The following PDE1B variants were observed in gnomAD, a reference collection of about 807,000 sequenced individuals.
The protein encoded by PDE1B is phosphodiesterase 1B.
A neutral mutation model predicts 66.7 loss-of-function variants in PDE1B; 13 were observed. The ratio of observed to expected loss-of-function variants is 0.19; its 90% CI spans 0.13 to 0.31. The LOEUF (loss-of-function observed/expected upper bound fraction) is 0.31, where lower values mean the gene tolerates loss of function less well. Ranked by LOEUF, PDE1B falls within the 10% of genes least tolerant of loss-of-function variation. The probability of loss-of-function intolerance (pLI) is 1.00; values close to 1 mark genes in which losing one functional copy is unlikely to be tolerated. For missense variants in PDE1B, 485 were observed against 682.3 expected (o/e 0.71, Z 3.22); for synonymous variants, 230 against 253.9 (o/e 0.91, Z 0.90).
Position 54,573,870 on chromosome 12 carries a change from AGTGTGTGTGT to A in PDE1B, c.1064+194_1064+203del, listed in dbSNP as rs1555175896. ...GCATCTCTATGTGAGAGAGAGAGAG[AGTGTGTGTGT>A]GTGTGTGTGTGTGTGTGTGTGTGTG... On this transcript the variant is annotated intron_variant, in intron 10 of 15. Transcript: ENST00000243052. The surrounding 1 kb of genome is among the most constrained non-coding windows in gnomAD (Gnocchi z 5.2). 14,115 of 501,356 alleles carry A rather than the reference AGTGTGTGTGT, an allele frequency of 0.028. 174 individuals carry two copies. The highest frequency in any genetic ancestry group is 0.056 in the Middle Eastern group (106 of 1,888). The allele number at this position is 501,356 out of a possible 1,614,324, so 31.1% of individuals were successfully genotyped here. A position where few individuals can be genotyped will look rare whatever the true frequency, so the allele number is the denominator to read the frequency against.
In PDE1B at chr12:54,573,523, AC is replaced by A; in HGVS notation, c.962+45del. On this transcript the variant is annotated intron_variant, in intron 9 of 15. Transcript: ENST00000243052. The surrounding 1 kb of genome is among the most constrained non-coding windows in gnomAD (Gnocchi z 5.2). ...CTTGGCATCCCTAAGAGACTCCCTT[AC>A]CACAAACTCCATTTTCCACTTCCTG... is the stretch of plus-strand genomic sequence containing the variant. The A allele has an allele frequency of 6.2e-7, 1 of 1,613,652 alleles. No individual in the cohort carries two copies. The highest frequency in any genetic ancestry group is 8.5e-7 in the Non-Finnish European group (1 of 1,179,598).
chr12:54,571,497 A>T (rs938485787), intron 6 of PDE1B: 4 of 152,192 alleles, frequency 2.6e-5, no homozygotes, highest in Non-Finnish European at 5.9e-5. Flanking sequence ...ACCTGGAAGG[A>T]CTGGGTCTGG....
At chr12:54,556,103 T>C (rs1957338985) in intron 2 of PDE1B, among the ~76,000 whole-genome samples, 1 of 152,190 alleles carries the variant, frequency 6.6e-6, no homozygotes, top group South Asian at 2.1e-4. Flanking sequence ...AGCCAAGTAA[T>C]TGCCTTTGAA....
At chr12:54,567,144 A>G (rs747129338) in intron 3 of PDE1B, 57 bp downstream of exon 3, 482 of 871,034 alleles carry the variant, frequency 5.5e-4, no homozygotes, top group Non-Finnish European at 7.5e-4. Context: ...TGTTCCAGAG[A>G]GAGGGGTTAA....
chr12:54,575,114 G>A lies in PDE1B; in HGVS notation c.1081G>A (p.Ala361Thr), dbSNP rs1211351427. Residue 361 changes from alanine to threonine, a missense_variant, in exon 11 of 16, where the codon GCC (alanine) becomes ACC (threonine). By Grantham distance (58) the Ala-to-Thr change is moderately conservative (BLOSUM62 0). This residue lies in a region of PDE1B where 282 missense variants were observed against 453.4 expected (regional missense o/e 0.62). Coordinates refer to ENST00000243052, the MANE Select transcript of PDE1B (RefSeq NM_000924.4). The surrounding 1 kb of genome is among the most constrained non-coding windows in gnomAD (Gnocchi z 4.0). Reference sequence around the variant, plus strand: ...CCCAACCAGGATTGACAAGCCCAAGGCCCTGTCTCTACTGCTCCATGCTGC... The same window carrying A: ...CCCAACCAGGATTGACAAGCCCAAGACCCTGTCTCTACTGCTCCATGCTGC... Reference protein sequence around the residue: ...QQLERIDKPKALSLLLHAADI... With the variant: ...QQLERIDKPKTLSLLLHAADI... The A allele has an allele frequency of 6.2e-7, 1 of 1,613,890 alleles. No homozygotes were observed. Among genetic ancestry groups the A allele is most frequent in the Admixed American group, 1.7e-5 (1 of 60,002 alleles).
Position 54,569,671 on chromosome 12 carries a change from C to G in PDE1B, c.477+59C>G. On this transcript the variant is annotated intron_variant, in intron 5 of 15. Coordinates refer to ENST00000243052, the MANE Select transcript of PDE1B (RefSeq NM_000924.4). This position sits in a 1 kb window ranked among gnomAD's most constrained non-coding sequence, Gnocchi z 4.4. ...TTAGGGGATGGAATAGCCACTGGGA[C>G]TTCTAGACCCTGTTTATGGCATTAT... The G allele has an allele frequency of 9.1e-6, 10 of 1,099,354 alleles. No individual in the cohort carries two copies. The highest frequency in any genetic ancestry group is 1.4e-5 in the Non-Finnish European group (10 of 716,838). 68.1% of individuals were successfully genotyped at this position (1,099,354 alleles called of 1,614,324 possible). A position where few individuals can be genotyped will look rare whatever the true frequency, so the allele number is the denominator to read the frequency against.
chr12:54,562,927 C>A (rs974757077), intron 2 of PDE1B, among the ~76,000 whole-genome samples: 1 of 152,186 alleles, frequency 6.6e-6, no homozygotes, highest in African/African-American at 2.4e-5. Context: ...TGGACAAGAT[C>A]TGTAAGTGAC....
chr12:54,577,709 C>G (rs1282943298), intron 15 of PDE1B, among the ~76,000 whole-genome samples, 151 bp from the exon 16 acceptor site: 1 of 152,192 alleles, frequency 6.6e-6, no homozygotes, highest in Non-Finnish European at 1.5e-5. Flanking sequence ...ACTTCAGCCC[C>G]TATTCACCCC....
At chr12:54,564,432 GA>G (rs763401842) in intron 2 of PDE1B, among the ~76,000 whole-genome samples, 2 of 151,570 alleles carry the variant, frequency 1.3e-5, no homozygotes, top group Non-Finnish European at 2.9e-5. Context: ...AGAAGTTTGA[GA>G]ACAACCTGGG....
chr12:54,569,706 C>CT lies in PDE1B; in HGVS notation c.477+94_477+95insT. 2.4e-6 allele frequency: 2 copies of CT among 824,196 alleles called. No individual in the cohort carries two copies. Among genetic ancestry groups the CT allele is most frequent in the Non-Finnish European group, 2.0e-6 (1 of 504,758 alleles). 51.1% of individuals were successfully genotyped at this position (824,196 alleles called of 1,614,324 possible). On this transcript the variant is annotated intron_variant, in intron 5 of 15. Transcript: ENST00000243052. This position sits in a 1 kb window ranked among gnomAD's most constrained non-coding sequence, Gnocchi z 4.4. ...CTGTTTATGGCATTATTTTTGCCTTCCTTTTTTTTTTTTGAAATGGAGTCT... is the reference window on the plus strand; with the variant it reads ...CTGTTTATGGCATTATTTTTGCCTTCTCTTTTTTTTTTTTGAAATGGAGTCT...
At chr12:54,555,788 T>C (rs1240551898) in intron 2 of PDE1B, among the ~76,000 whole-genome samples, 1 of 152,174 alleles carries the variant, frequency 6.6e-6, no homozygotes, top group East Asian at 1.9e-4. Flanking sequence ...TTTCTCTGGG[T>C]TCTCTTTCGC....
rs752937406 is a variant in PDE1B, at chr12:54,577,444, C to A, written c.*17+99C>A. 5.6e-6 allele frequency: 9 copies of A among 1,606,260 alleles called. No homozygotes were observed. In the African/African-American group the frequency reaches 1.2e-4, roughly 21 times the overall value. On this transcript the variant is annotated intron_variant, in intron 15 of 15. Transcript: ENST00000243052. ...TCCAGTGGATGCGACATTCTCTCTCCCCTTTTGAGCAGTAAAATGGAGCGA... is the reference window on the plus strand; with the variant it reads ...TCCAGTGGATGCGACATTCTCTCTCACCTTTTGAGCAGTAAAATGGAGCGA...
At chr12:54,577,102 A>T in intron 14 of PDE1B, 123 bp from the exon 15 acceptor site, 2 of 857,534 alleles carry the variant, frequency 2.3e-6, no homozygotes, top group Non-Finnish European at 3.7e-6. Flanking sequence ...GATGGGTTGA[A>T]TGTAGTTCAG....
intron 3 of PDE1B, among the ~76,000 whole-genome samples, chr12:54,568,806 T>A (rs971012100): frequency 6.6e-6 from 1 of 152,050 alleles, no homozygotes; most frequent in African/African-American, 2.4e-5. Flanking sequence ...AAAAAAAAAA[T>A]TATCATTAAA....
intron 2 of PDE1B, among the ~76,000 whole-genome samples, chr12:54,551,555 G>A (rs544194621): frequency 3.1e-4 from 47 of 152,266 alleles, no homozygotes; most frequent in African/African-American, 1.1e-3. Flanking sequence ...AGGTAAAGAA[G>A]GGCCCCAGGT....
chr12:54,563,874 C>T (rs1191127527), intron 2 of PDE1B, among the ~76,000 whole-genome samples: 1 of 152,024 alleles, frequency 6.6e-6, no homozygotes, highest in Non-Finnish European at 1.5e-5. Context: ...GGGTTGCGAA[C>T]TGTGGCTCAC....
chr12:54,576,794 C>A, intron 14 of PDE1B, 93 bp downstream of exon 14: 1 of 1,363,134 alleles, frequency 7.3e-7, no homozygotes, highest in Non-Finnish European at 1.0e-6. Flanking sequence ...CTGGGGAAAC[C>A]CTTTGCCGGA....
intron 3 of PDE1B, among the ~76,000 whole-genome samples, chr12:54,568,465 A>AACACACACAC (rs1234159795): frequency 1.3e-5 from 1 of 76,306 alleles, no homozygotes; most frequent in Non-Finnish European, 2.5e-5. Context: ...CCTGTCTAAA[A>AACACACACAC]ATACACACAC....
chr12:54,560,803 T>C (rs1448834853), intron 2 of PDE1B, among the ~76,000 whole-genome samples: 1 of 152,216 alleles, frequency 6.6e-6, no homozygotes, highest in Admixed American at 6.5e-5. Context: ...AATTCATGGT[T>C]ATTCCCCAAT....
Sources: allele counts gnomAD v4.1 joint callset (sites outside exome capture counted in the v4.1 genomes callset), GRCh38; gene constraint gnomAD v4.1.1; regional missense constraint gnomAD v4.1.1; non-coding constraint Gnocchi (gnomAD v3.1); transcripts MANE v1.5; gene names NCBI Gene and HGNC (gene_info 2026-07-23, HGNC 2026-07-21).